Variants in SRPK2 observed in about 807,000 individuals in gnomAD.
SRPK2 encodes SRSF protein kinase 2.
In SRPK2, 21 loss-of-function variants were observed where a neutral mutation model predicts 90.8. The observed-to-expected ratio is 0.23, with a 90% confidence interval of 0.16 to 0.33. The LOEUF is 0.33. SRPK2 is among the 10% of genes least tolerant of loss of function. The pLI is 1.00. For synonymous variants in SRPK2, 288 were observed against 311.1 expected (o/e 0.93, Z 0.78); for missense variants, 620 against 869.0 (o/e 0.71, Z 3.60).
intron 2 of SRPK2, among the ~76,000 whole-genome samples, chr7:105,237,664 T>G (rs1020644363): frequency 1.3e-5 from 2 of 152,144 alleles, no homozygotes; most frequent in South Asian, 4.1e-4. Context: ...ACTTTAAAAC[T>G]TGAATACCTT....
rs397889533 is a variant in SRPK2 at position 105,292,497 on chromosome 7, CAAAA to C, written c.72-88716_72-88713del. On this transcript the variant is annotated intron_variant, in intron 2 of 15. Transcript: ENST00000393651. ...AGCCTGGGCGATAGAGTAAGACTCT[CAAAA>C]AAAAAAAAAAAAAAAAAAAAAAGAG... Among the ~76,000 whole-genome samples the C allele has an allele frequency of 4.3e-3, 321 of 74,792 alleles. 10 individuals carry two copies. In the East Asian group the frequency reaches 0.089, roughly 21 times the overall value. 49.1% of individuals were successfully genotyped at this position (74,792 alleles called of 152,430 possible).
chr7:105,297,060 T>A (rs1809916727), intron 2 of SRPK2, among the ~76,000 whole-genome samples: 1 of 152,258 alleles, frequency 6.6e-6, no homozygotes, highest in African/African-American at 2.4e-5. Flanking sequence ...CTAAGAATAC[T>A]TAGTGAACTC....
intron 2 of SRPK2, among the ~76,000 whole-genome samples, chr7:105,328,098 T>C (rs1488055791): frequency 6.6e-6 from 1 of 152,086 alleles, no homozygotes; most frequent in East Asian, 1.9e-4. Context: ...CTCTAGAAGA[T>C]ACCAAAAATA....
intron 15 of SRPK2, among the ~76,000 whole-genome samples, chr7:105,120,003 T>G (rs1026980646): frequency 6.6e-6 from 1 of 152,238 alleles, no homozygotes; most frequent in Non-Finnish European, 1.5e-5. Flanking sequence ...ATCACAAGAT[T>G]ATTAAAATGC....
At chr7:105,270,148 G>A (rs1393834751) in intron 2 of SRPK2, among the ~76,000 whole-genome samples, 1 of 152,154 alleles carries the variant, frequency 6.6e-6, no homozygotes, top group African/African-American at 2.4e-5. Flanking sequence ...AAATTTTTAA[G>A]CTTATAACTT....
chr7:105,305,336 C>A (rs1183422465), intron 2 of SRPK2, among the ~76,000 whole-genome samples: 2 of 152,072 alleles, frequency 1.3e-5, no homozygotes, highest in African/African-American at 4.8e-5. Context: ...ATCCCAGCTA[C>A]TGGGGAGGCT....
At chr7:105,267,718 T>C (rs1269927342) in intron 2 of SRPK2, among the ~76,000 whole-genome samples, 2 of 152,214 alleles carry the variant, frequency 1.3e-5, no homozygotes, top group Admixed American at 6.5e-5. Flanking sequence ...GTCCTTCATA[T>C]ACTAGCATAC....
At chr7:105,380,634 C>T (rs979957275) in intron 2 of SRPK2, among the ~76,000 whole-genome samples, 2 of 151,440 alleles carry the variant, frequency 1.3e-5, no homozygotes, top group Non-Finnish European at 2.9e-5. Context: ...AGCAATTCTC[C>T]CGCCTCACCC....
intron 2 of SRPK2, among the ~76,000 whole-genome samples, chr7:105,220,499 C>T (rs1373129003): frequency 1.3e-5 from 2 of 152,092 alleles, no homozygotes; most frequent in East Asian, 3.8e-4. Context: ...GCACTCCAGC[C>T]TGGCGACAGA....
At chr7:105,211,114 G>A (rs771964217) in intron 2 of SRPK2, among the ~76,000 whole-genome samples, 19 of 152,198 alleles carry the variant, frequency 1.2e-4, no homozygotes, top group Admixed American at 1.3e-4. Flanking sequence ...ATAAACAGGT[G>A]TTGTTTTAAG....
intron 2 of SRPK2, among the ~76,000 whole-genome samples, chr7:105,319,543 A>G (rs940576137): frequency 7.0e-6 from 1 of 142,782 alleles, no homozygotes; most frequent in Non-Finnish European, 1.5e-5. Context: ...GGGAGAATAT[A>G]AGCCCCTTTA....
intron 2 of SRPK2, among the ~76,000 whole-genome samples, chr7:105,253,061 T>G (rs1356415307): frequency 1.3e-5 from 2 of 152,158 alleles, no homozygotes; most frequent in African/African-American, 4.8e-5. Flanking sequence ...TATCTTTAAG[T>G]TAGGATTTCT....
chr7:105,360,076 T>A (rs899334160), intron 2 of SRPK2, among the ~76,000 whole-genome samples: 5 of 152,216 alleles, frequency 3.3e-5, no homozygotes, highest in Non-Finnish European at 7.3e-5. Context: ...ATTGGGTGCA[T>A]ACAGATTTAG....
chr7:105,252,070 AAG>A (rs1802553848), intron 2 of SRPK2, among the ~76,000 whole-genome samples: 1 of 152,232 alleles, frequency 6.6e-6, no homozygotes, highest in Non-Finnish European at 1.5e-5. Context: ...GAACATTAAA[AAG>A]AGGATATAAC....
intron 2 of SRPK2, among the ~76,000 whole-genome samples, chr7:105,286,570 G>A (rs1808133531): frequency 6.6e-6 from 1 of 152,176 alleles, no homozygotes; most frequent in Admixed American, 6.5e-5. Flanking sequence ...CTAAAGGACA[G>A]CTGTACTGAT....
At chr7:105,394,974 A>T (rs936176076) in intron 1 of SRPK2, among the ~76,000 whole-genome samples, 1 of 152,004 alleles carries the variant, frequency 6.6e-6, no homozygotes, top group Non-Finnish European at 1.5e-5. Context: ...ATCGAGACCT[A>T]CCATCCTGGC....
Position 105,205,517 on chromosome 7 carries a change from TCACACACACACACACACACA to T in SRPK2, c.72-1752_72-1733del, listed in dbSNP as rs543121144. Among the ~76,000 whole-genome samples the T allele has an allele frequency of 3.6e-3, 342 of 95,888 alleles. 1 individual carries two copies. The highest frequency in any genetic ancestry group is 0.013 in the Middle Eastern group (2 of 152). 62.9% of individuals were successfully genotyped at this position (95,888 alleles called of 152,430 possible). A position where few individuals can be genotyped will look rare whatever the true frequency, so the allele number is the denominator to read the frequency against. ...TTCATTCTCTCTCTCTCTCTCTCTC[TCACACACACACACACACACA>T]CACACACACACACACACACACACAC... On this transcript the variant is annotated intron_variant, in intron 2 of 15. Transcript: ENST00000393651.
intron 2 of SRPK2, among the ~76,000 whole-genome samples, chr7:105,292,679 G>C (rs1338203628): frequency 1.3e-5 from 2 of 152,024 alleles, no homozygotes; most frequent in Non-Finnish European, 2.9e-5. Context: ...TTGTTTTTCT[G>C]TTTTATTCCT....
chr7:105,317,432 C>T (rs1812432581), intron 2 of SRPK2, among the ~76,000 whole-genome samples: 1 of 152,176 alleles, frequency 6.6e-6, no homozygotes, highest in Non-Finnish European at 1.5e-5. Context: ...AAGTAAAATG[C>T]ATGTCTCCAG....
Sources: gnomAD v4.1 joint callset for allele counts (sites outside exome capture counted in the v4.1 genomes callset) on GRCh38, gnomAD v4.1.1 for gene constraint, MANE v1.5 for transcripts, NCBI Gene and HGNC (gene_info 2026-07-23, HGNC 2026-07-21) for gene names.